GSTCD: variants seen among roughly 807,000 people sequenced by gnomAD.
The protein encoded by GSTCD is glutathione S-transferase C-terminal domain-containing protein.
GSTCD carries 44 observed loss-of-function variants against 68.3 expected under a neutral mutation model. That is an observed-to-expected ratio of 0.64 (90% confidence interval 0.51 to 0.83). GSTCD has a LOEUF of 0.83. Among genes scored for constraint, GSTCD ranks in the 40% least tolerant of loss-of-function variants. The pLI, the probability that GSTCD is intolerant of heterozygous loss-of-function variation, is 0.00. For synonymous variants in GSTCD, 273 were observed against 255.2 expected (o/e 1.07, Z -0.67); for missense variants, 739 against 735.9 (o/e 1.00, Z -0.05).
chr4:105,721,370 A>G (rs992146341), intron 3 of GSTCD, among the ~76,000 whole-genome samples: 1 of 152,188 alleles, frequency 6.6e-6, no homozygotes, highest in Admixed American at 6.5e-5. Context: ...ACATACATTG[A>G]GGTGAATGGA....
At chr4:105,830,084 G>A (rs114884421) in intron 8 of GSTCD, among the ~76,000 whole-genome samples, 12 of 152,168 alleles carry the variant, frequency 7.9e-5, no homozygotes, top group Admixed American at 2.6e-4. Flanking sequence ...CTGGTAAATC[G>A]TGGGGAGGAA....
At chr4:105,719,888 G>A (rs1419293652) in intron 3 of GSTCD, among the ~76,000 whole-genome samples, 8 of 151,576 alleles carry the variant, frequency 5.3e-5, no homozygotes, top group Non-Finnish European at 1.2e-4. Flanking sequence ...GGTCCAAGTC[G>A]GCTCTGTGGT....
chr4:105,783,873 T>A (rs910852897), intron 5 of GSTCD, among the ~76,000 whole-genome samples: 1 of 152,224 alleles, frequency 6.6e-6, no homozygotes. Flanking sequence ...TCATTTATGA[T>A]CTTCATATTT....
intron 5 of GSTCD, among the ~76,000 whole-genome samples, chr4:105,772,118 C>T (rs1188767237): frequency 3.3e-5 from 5 of 152,068 alleles, no homozygotes; most frequent in African/African-American, 1.2e-4. Flanking sequence ...GTATTTTATT[C>T]TCTTAGTAGC....
intron 9 of GSTCD, among the ~76,000 whole-genome samples, chr4:105,836,584 G>C (rs544179413): frequency 1.3e-5 from 2 of 152,024 alleles, no homozygotes; most frequent in Non-Finnish European, 2.9e-5. Flanking sequence ...TACCCCCTTG[G>C]TGTCCATCTC....
Position 105,720,851 on chromosome 4 carries a change from C to G in GSTCD, c.894+1324C>G, listed in dbSNP as rs139849417. 2.8e-3 allele frequency among the ~76,000 whole-genome samples: 420 copies of G among 152,310 alleles called. 2 individuals are homozygous for G. The highest frequency in any genetic ancestry group is 9.6e-3 in the African/African-American group (401 of 41,560). On this transcript the variant is annotated intron_variant, in intron 3 of 11. Coordinates refer to ENST00000515279, the MANE Select transcript of GSTCD (RefSeq NM_001370181.1). ...CTTTGGATAACTGTGTTTCCAGTTT[C>G]ACCAGAATTGAATGAAAGTGGCATA...
chr4:105,765,075 A>G (rs1734554900), intron 5 of GSTCD, among the ~76,000 whole-genome samples: 1 of 152,188 alleles, frequency 6.6e-6, no homozygotes, highest in Non-Finnish European at 1.5e-5. Context: ...CATGTACTGT[A>G]TAACAGAAAA....
intron 5 of GSTCD, among the ~76,000 whole-genome samples, chr4:105,733,711 G>C (rs1733341258): frequency 6.6e-6 from 1 of 152,184 alleles, no homozygotes; most frequent in Admixed American, 6.5e-5. Context: ...TGTTATGTGT[G>C]AATTTGATCC....
At chr4:105,780,296 G>C (rs1446933214) in intron 5 of GSTCD, among the ~76,000 whole-genome samples, 1 of 152,204 alleles carries the variant, frequency 6.6e-6, no homozygotes, top group Admixed American at 6.5e-5. Flanking sequence ...GGCTAGGGAA[G>C]CGCTGTCTCA....
chr4:105,815,591 T>A (rs965838601), intron 5 of GSTCD, among the ~76,000 whole-genome samples: 8 of 152,260 alleles, frequency 5.3e-5, no homozygotes, highest in African/African-American at 9.6e-5. Flanking sequence ...AGTATTTTTT[T>A]AAAAAATCAC....
chr4:105,755,259 A>C (rs973974928), intron 5 of GSTCD, among the ~76,000 whole-genome samples: 4 of 151,112 alleles, frequency 2.6e-5, no homozygotes, highest in African/African-American at 9.7e-5. Flanking sequence ...GAAGGTAGAA[A>C]GGTAGGAAGG....
intron 5 of GSTCD, among the ~76,000 whole-genome samples, chr4:105,775,599 A>G (rs72673803): frequency 0.054 from 8,189 of 152,280 alleles, 252 homozygotes; most frequent in Middle Eastern, 0.14. Context: ...TCTAACACTC[A>G]GTCCCGTCTG....
intron 5 of GSTCD, among the ~76,000 whole-genome samples, chr4:105,743,193 G>A (rs1030860184): frequency 1.1e-4 from 17 of 151,840 alleles, no homozygotes; most frequent in Non-Finnish European, 1.3e-4. Context: ...CTCATGATCT[G>A]CCCCCCTTGG....
At chr4:105,747,060 C>T (rs1177786438) in intron 5 of GSTCD, among the ~76,000 whole-genome samples, 1 of 152,210 alleles carries the variant, frequency 6.6e-6, no homozygotes, top group Non-Finnish European at 1.5e-5. Context: ...TAAAGGCAGC[C>T]TTTTCCCCTA....
intron 7 of GSTCD, among the ~76,000 whole-genome samples, chr4:105,824,740 G>A (rs1409882202): frequency 2.0e-5 from 3 of 152,018 alleles, no homozygotes; most frequent in Non-Finnish European, 4.4e-5. Flanking sequence ...TCTGGTTTCA[G>A]TTTACCTCTC....
intron 5 of GSTCD, among the ~76,000 whole-genome samples, chr4:105,759,994 T>C (rs894761064): frequency 3.3e-5 from 5 of 152,070 alleles, no homozygotes; most frequent in Non-Finnish European, 7.4e-5. Flanking sequence ...CAGTCCTCTT[T>C]AGTAGGCTGG....
intron 5 of GSTCD, among the ~76,000 whole-genome samples, chr4:105,794,743 C>A (rs1162671842): frequency 1.3e-5 from 2 of 151,590 alleles, no homozygotes; most frequent in African/African-American, 4.9e-5. Flanking sequence ...TTACTGGAGT[C>A]TTTTGCATTT....
At chr4:105,720,068 G>A (rs73839008) in intron 3 of GSTCD, among the ~76,000 whole-genome samples, 10,164 of 152,146 alleles carry the variant, frequency 0.067, 347 homozygotes, top group Middle Eastern at 0.11. Context: ...GCTTTTCTCT[G>A]TTCTCTCTGA....
At chr4:105,793,640 C>T (rs1348106755) in intron 5 of GSTCD, among the ~76,000 whole-genome samples, 1 of 151,954 alleles carries the variant, frequency 6.6e-6, no homozygotes, top group Non-Finnish European at 1.5e-5. Context: ...TAAGGGAATG[C>T]TCTTTATAGT....
Sources: gnomAD v4.1 joint callset for allele counts (sites outside exome capture counted in the v4.1 genomes callset) on GRCh38, gnomAD v4.1.1 for gene constraint, MANE v1.5 for transcripts, NCBI Gene and HGNC (gene_info 2026-07-23, HGNC 2026-07-21) for gene names.